Variants in ATP7B observed in about 807,000 individuals in gnomAD.
The protein encoded by ATP7B is copper-transporting ATPase 2.
ATP7B carries 113 observed loss-of-function variants against 118.9 expected under a neutral mutation model. That is an observed-to-expected ratio of 0.95 (90% confidence interval 0.82 to 1.11). The LOEUF (loss-of-function observed/expected upper bound fraction) is 1.11. ATP7B is among the 50% of genes most tolerant of loss of function. ATP7B has a pLI of 0.00. For missense variants in ATP7B, 1,867 were observed against 1,871.4 expected, an observed-to-expected ratio of 1.00 and a Z score of 0.04; for synonymous variants, 777 against 727.4, an observed-to-expected ratio of 1.07 and a Z score of -1.10.
At chr13:51,978,460 T>C (rs1952235535) in intron 1 of ATP7B, among the ~76,000 whole-genome samples, 3 of 152,228 alleles carry the variant, frequency 2.0e-5, no homozygotes, top group African/African-American at 7.2e-5. Flanking sequence ...GCAATACCTA[T>C]TAAAATTACA....
At chr13:51,999,082 G>C (rs1055027265) in intron 1 of ATP7B, among the ~76,000 whole-genome samples, 6 of 152,178 alleles carry the variant, frequency 3.9e-5, no homozygotes, top group African/African-American at 1.4e-4. Context: ...TAGCAGCCCA[G>C]CCTTCAGAAC....
In ATP7B at chr13:51,937,402, G is replaced by A. The variant is rs760375559; in HGVS notation, c.3904-9C>T. 5 of 1,614,060 alleles carry A rather than the reference G, an allele frequency of 3.1e-6. No individual in the cohort carries two copies. In the East Asian group the frequency reaches 1.1e-4, roughly 36 times the overall value. ...ACATCCAGCAAATCATTCTGATGGA[G>A]AGGAGCACACAGTGAGGAAGGGGTC... On this transcript the variant is annotated splice_polypyrimidine_tract_variant and intron_variant, in intron 18 of 20. Coordinates refer to ENST00000242839, the MANE Select transcript of ATP7B (RefSeq NM_000053.4).
At chr13:51,958,162 TA>T (rs927984109) in intron 8 of ATP7B, 148 bp downstream of exon 8, 16 of 882,148 alleles carry the variant, frequency 1.8e-5, no homozygotes, top group Non-Finnish European at 3.5e-6. Flanking sequence ...GATTAGTGAC[TA>T]GAGCACCTTA....
At chr13:51,964,197 A>C (rs1337662279) in intron 5 of ATP7B, among the ~76,000 whole-genome samples, 3 of 152,150 alleles carry the variant, frequency 2.0e-5, no homozygotes, top group Non-Finnish European at 4.4e-5. Flanking sequence ...TCATTTCATA[A>C]GCGATTTTAT....
chr13:51,985,225 T>G (rs1316984349), intron 1 of ATP7B, among the ~76,000 whole-genome samples: 1 of 152,088 alleles, frequency 6.6e-6, no homozygotes, highest in Non-Finnish European at 1.5e-5. Flanking sequence ...GGAGGAAGAT[T>G]TACCAAGCAA....
upstream of ATP7B, chr13:52,011,554 T>A (rs907188557): frequency 1.6e-6 from 1 of 644,172 alleles, no homozygotes; most frequent in African/African-American, 1.8e-5. Context: ...GATTCAAAGT[T>A]GCGCGCCGCC....
Position 51,935,659 on chromosome 13 carries a change from C to G in ATP7B, c.4058G>C (p.Trp1353Ser), listed in dbSNP as rs193922110. The G allele has an allele frequency of 1.2e-6, 2 of 1,613,684 alleles. No homozygotes were observed. The highest frequency in any genetic ancestry group is 1.7e-6 in the Non-Finnish European group (2 of 1,179,906). ...FMPIGIVLQP[W>S]MGSAAMAASS... ...GGCTGCCATGGCCGCTGAGCCCATC[C>G]AGGGCTGCAGCACAATGCCGATGGG... The change falls in exon 20 of 21, where the codon TGG becomes TCG. Residue 1353 changes from tryptophan to serine, a missense_variant. Transcript: ENST00000242839.
chr13:51,970,525 A>T lies in ATP7B; in HGVS notation c.1510T>A (p.Ser504Thr). The T allele has an allele frequency of 6.2e-7, 1 of 1,614,186 alleles. No individual in the cohort carries two copies. The highest frequency in any genetic ancestry group is 1.7e-5 in the Admixed American group (1 of 60,028). ...IKGMTCASCV[S>T]NIERNLQKEA... The stretch of plus-strand genomic sequence containing the variant: ...TTCTGCAGATTCCTTTCTATGTTAG[A>T]CACACAGGATGCACAGGTCATGCCT... Residue 504 changes from serine (S) to threonine (T), a missense_variant, in exon 3 of 21, where the codon TCT (serine) becomes ACT (threonine). By Grantham distance (58) the Ser-to-Thr change is moderately conservative (BLOSUM62 1). Coordinates refer to ENST00000242839, the MANE Select transcript of ATP7B (RefSeq NM_000053.4).
At position 51,949,701 on chromosome 13, in the gene ATP7B, G is replaced by T. The variant is rs758712064; in HGVS notation, c.2826C>A (p.Ile942=). The T allele has an allele frequency of 1.9e-6, 3 of 1,613,844 alleles. No homozygotes were observed. The highest frequency in any genetic ancestry group is 2.5e-6 in the Non-Finnish European group (3 of 1,180,008). The change falls in exon 12 of 21, where the codon ATC becomes ATA. Residue 942 remains isoleucine (I), a synonymous_variant. Coordinates refer to ENST00000242839, the MANE Select transcript of ATP7B (RefSeq NM_000053.4). ...STLTLVVWIV[I]GFIDFGVVQR... is the part of the protein sequence containing the mutation. ...GAACAACACCAAAATCGATAAAACC[G>T]ATTACAATCCATACCACCAACGTCA...
At chr13:51,942,811 A>C (rs976880975) in intron 14 of ATP7B, among the ~76,000 whole-genome samples, 23 of 152,184 alleles carry the variant, frequency 1.5e-4, no homozygotes, top group African/African-American at 5.1e-4. Flanking sequence ...AACAGCCTAA[A>C]ATCCTTCCCT....
At chr13:52,002,934 T>C (rs548436319) in intron 1 of ATP7B, among the ~76,000 whole-genome samples, 2 of 152,348 alleles carry the variant, frequency 1.3e-5, no homozygotes, top group South Asian at 4.1e-4. Context: ...AGTCATGGTC[T>C]TTCTGCTAGT....
rs1958466280 is a variant in ATP7B, at chr13:51,957,985, G to C, written c.2355+326C>G. 14 of 469,812 alleles carry C rather than the reference G, an allele frequency of 3.0e-5. 1 individual carries two copies. The highest frequency in any genetic ancestry group is 3.0e-4 in the South Asian group (14 of 47,020). 29.1% of individuals were successfully genotyped at this position (469,812 alleles called of 1,614,324 possible). A position where few individuals can be genotyped will look rare whatever the true frequency, so the allele number is the denominator to read the frequency against. Reference sequence around the variant, plus strand: ...GTGTTAAAAATGGCATGACCTTGAGGAGGATGTATGGATGTCTAGACCAAC... The same window carrying C: ...GTGTTAAAAATGGCATGACCTTGAGCAGGATGTATGGATGTCTAGACCAAC... On this transcript the variant is annotated intron_variant, in intron 8 of 20. Coordinates refer to ENST00000242839, the MANE Select transcript of ATP7B (RefSeq NM_000053.4).
chr13:51,984,738 C>T (rs1437419964), intron 1 of ATP7B, among the ~76,000 whole-genome samples: 4 of 152,286 alleles, frequency 2.6e-5, no homozygotes, highest in East Asian at 3.9e-4. Flanking sequence ...CCCTACAAGC[C>T]AGAAGAGAAT....
rs756742483 is a variant in ATP7B at position 51,937,686 on chromosome 13, C to A, written c.3700-7G>T. The A allele has an allele frequency of 6.2e-7, 1 of 1,614,144 alleles. No individual in the cohort carries two copies. Among genetic ancestry groups the A allele is most frequent in the Non-Finnish European group, 8.5e-7 (1 of 1,180,030 alleles). ...AGACTTTGTTGATGCCAACCTAAGACAAAAGGAAGGCAATGCCTAGTGTTG... is the reference window on the plus strand; with the variant it reads ...AGACTTTGTTGATGCCAACCTAAGAAAAAAGGAAGGCAATGCCTAGTGTTG... On this transcript the variant is annotated splice_polypyrimidine_tract_variant and splice_region_variant and intron_variant, in intron 17 of 20. Coordinates refer to ENST00000242839, the MANE Select transcript of ATP7B (RefSeq NM_000053.4).
chr13:51,951,573 C>A (rs1437821301), intron 9 of ATP7B, among the ~76,000 whole-genome samples: 1 of 152,092 alleles, frequency 6.6e-6, no homozygotes, highest in Non-Finnish European at 1.5e-5. Flanking sequence ...ATAAGCGCCC[C>A]TAGGAGTGAC....
At position 51,968,541 on chromosome 13, in the gene ATP7B, ATGACCTCTGGGTCATACTTGATCTCTG is replaced by A; in HGVS notation, c.1583_1609del (p.Ala528_Ile537delinsVal). On this transcript the variant is annotated inframe_deletion, in exon 4 of 21. Coordinates refer to ENST00000242839, the MANE Select transcript of ATP7B (RefSeq NM_000053.4). The stretch of plus-strand genomic sequence containing the variant: ...GAACTGAGCTATCTCGAGGGGCTGG[ATGACCTCTGGGTCATACTTGATCTCTG>A]CCTTTCCTGCCATCAAGGCAACCAA... 6.2e-7 allele frequency: 1 copy of A among 1,614,134 alleles called. No homozygotes were observed. The highest frequency in any genetic ancestry group is 8.5e-7 in the Non-Finnish European group (1 of 1,180,024).
At chr13:51,991,051 G>A (rs1051166061) in intron 1 of ATP7B, among the ~76,000 whole-genome samples, 1 of 151,758 alleles carries the variant, frequency 6.6e-6, no homozygotes, top group African/African-American at 2.4e-5. Flanking sequence ...TCGCGCCACT[G>A]CACTCCAGCC....
chr13:51,956,280 C>A (rs1178980380), intron 9 of ATP7B, among the ~76,000 whole-genome samples: 1 of 152,200 alleles, frequency 6.6e-6, no homozygotes, highest in Non-Finnish European at 1.5e-5. Context: ...GCCAGCTGCA[C>A]CAGCCCTGCA....
intron 1 of ATP7B, among the ~76,000 whole-genome samples, chr13:51,990,609 T>C (rs1471708546): frequency 2.0e-5 from 3 of 152,248 alleles, no homozygotes; most frequent in Non-Finnish European, 4.4e-5. Flanking sequence ...AAAAACTAAA[T>C]TCAAGAATCC....
Sources: gnomAD v4.1 joint callset for allele counts (sites outside exome capture counted in the v4.1 genomes callset) on GRCh38, gnomAD v4.1.1 for gene constraint, MANE v1.5 for transcripts, NCBI Gene and HGNC (gene_info 2026-07-23, HGNC 2026-07-21) for gene names.